The following DGKB variants were observed in gnomAD, a reference collection of about 807,000 sequenced individuals.
DGKB encodes the protein diacylglycerol kinase beta.
Under a neutral mutation model 114.3 loss-of-function variants are expected in DGKB, and 67 were observed. The observed-to-expected ratio is 0.59, with a 90% CI of 0.48 to 0.72. DGKB has a LOEUF of 0.72. Ranked by LOEUF, DGKB falls within the 30% of genes least tolerant of loss-of-function variation. The pLI, the probability that DGKB is intolerant of heterozygous loss-of-function variation, is 0.00. For synonymous variants in DGKB, 398 were observed against 323.1 expected (o/e 1.23, Z -2.49); for missense variants, 907 against 975.2 (o/e 0.93, Z 0.93).
chr7:14,359,736 A>G (rs1255839337), intron 21 of DGKB, among the ~76,000 whole-genome samples: 3 of 152,204 alleles, frequency 2.0e-5, no homozygotes, highest in South Asian at 4.1e-4. Flanking sequence ...ACTGGTCATC[A>G]GAGAAATGCA....
At chr7:14,963,052 A>G (rs1234241836) in intron 1 of DGKB, among the ~76,000 whole-genome samples, 1 of 152,052 alleles carries the variant, frequency 6.6e-6, no homozygotes, top group Non-Finnish European at 1.5e-5. Flanking sequence ...AACTGTCTTT[A>G]TAAAGCTAGA....
chr7:14,540,494 C>G (rs1386169326), intron 20 of DGKB, among the ~76,000 whole-genome samples: 1 of 152,044 alleles, frequency 6.6e-6, no homozygotes, highest in Admixed American at 6.6e-5. Flanking sequence ...CCAATTAAAT[C>G]TCATTTTAAA....
chr7:14,596,287 T>C (rs547254612), intron 17 of DGKB, among the ~76,000 whole-genome samples: 3 of 152,296 alleles, frequency 2.0e-5, no homozygotes, highest in South Asian at 2.1e-4. Context: ...TCTGTTTTGA[T>C]GACACATTAA....
intron 1 of DGKB, among the ~76,000 whole-genome samples, chr7:14,955,929 C>T (rs559835236): frequency 6.6e-6 from 1 of 152,036 alleles, no homozygotes; most frequent in East Asian, 1.9e-4. Context: ...CTTGTAAGAA[C>T]TACTAGAATG....
chr7:14,853,755 C>T (rs1190376323), intron 1 of DGKB, among the ~76,000 whole-genome samples: 1 of 150,352 alleles, frequency 6.7e-6, no homozygotes, highest in Non-Finnish European at 1.5e-5. Context: ...GTAGTCCCAG[C>T]TACTCGGGAG....
At chr7:14,547,657 T>TCTTA (rs1222484593) in intron 20 of DGKB, among the ~76,000 whole-genome samples, 2 of 152,110 alleles carry the variant, frequency 1.3e-5, no homozygotes, top group African/African-American at 4.8e-5. Context: ...GCATTATAGC[T>TCTTA]CTTAGCAAGA....
chr7:14,737,814 A>G (rs534678314), intron 4 of DGKB, among the ~76,000 whole-genome samples: 1 of 151,996 alleles, frequency 6.6e-6, no homozygotes, highest in East Asian at 1.9e-4. Context: ...TGTCAATTCT[A>G]GCCCGGGAGG....
At chr7:14,937,351 T>C (rs1198480482) in intron 1 of DGKB, among the ~76,000 whole-genome samples, 6 of 152,092 alleles carry the variant, frequency 3.9e-5, no homozygotes, top group African/African-American at 1.2e-4. Flanking sequence ...TATATCTATA[T>C]TTACAAGAAT....
At chr7:14,257,578 C>T (rs1367932700) in intron 23 of DGKB, among the ~76,000 whole-genome samples, 1 of 152,116 alleles carries the variant, frequency 6.6e-6, no homozygotes, top group Non-Finnish European at 1.5e-5. Flanking sequence ...AGTGAGTTCT[C>T]ATGAGATCTG....
intron 1 of DGKB, among the ~76,000 whole-genome samples, chr7:14,908,627 G>T (rs1284775472): frequency 6.6e-6 from 1 of 152,014 alleles, no homozygotes; most frequent in Non-Finnish European, 1.5e-5. Flanking sequence ...TTTTTTGGCT[G>T]AGTTGGGGAG....
chr7:14,766,031 A>C (rs1020746620), intron 2 of DGKB, among the ~76,000 whole-genome samples: 24 of 151,948 alleles, frequency 1.6e-4, no homozygotes, highest in South Asian at 2.1e-4. Flanking sequence ...TTAATGAATC[A>C]ATCTATATGT....
At chr7:14,357,680 T>G (rs1218642885) in intron 21 of DGKB, among the ~76,000 whole-genome samples, 1 of 152,198 alleles carries the variant, frequency 6.6e-6, no homozygotes, top group Non-Finnish European at 1.5e-5. Flanking sequence ...TGATGCAGTT[T>G]CTTCATAGCA....
intron 23 of DGKB, among the ~76,000 whole-genome samples, chr7:14,271,147 A>AT (rs1217552160): frequency 1.3e-5 from 2 of 152,152 alleles, no homozygotes; most frequent in African/African-American, 4.8e-5. Flanking sequence ...TGAATCACAT[A>AT]TTTTTATAAG....
At chr7:14,682,500 A>G in intron 12 of DGKB, 53 bp downstream of exon 12, 4 of 1,201,246 alleles carry the variant, frequency 3.3e-6, no homozygotes, top group Middle Eastern at 1.9e-4. Flanking sequence ...AGTATGATAT[A>G]CACGTCTTCA....
intron 1 of DGKB, among the ~76,000 whole-genome samples, chr7:14,880,945 T>C (rs1253053241): frequency 6.6e-6 from 1 of 152,168 alleles, no homozygotes; most frequent in Non-Finnish European, 1.5e-5. Context: ...AAATTCCTTG[T>C]CATATGTCTT....
chr7:14,695,863 G>A lies in DGKB; in HGVS notation c.592-1669C>T, dbSNP rs1880546. 6.8e-3 allele frequency among the ~76,000 whole-genome samples: 1,039 copies of A among 151,956 alleles called. 10 individuals are homozygous for A. The highest frequency in any genetic ancestry group is 0.023 in the African/African-American group (964 of 41,440). On this transcript the variant is annotated intron_variant, in intron 8 of 25. Transcript: ENST00000402815. Reference sequence around the variant, plus strand: ...GAGAAGCCTGCTGATGTGTACATTTGTTTACAATGAGAACTACTGAAGCCT... The same window carrying A: ...GAGAAGCCTGCTGATGTGTACATTTATTTACAATGAGAACTACTGAAGCCT...
chr7:14,735,709 T>C (rs1411411542), intron 5 of DGKB, among the ~76,000 whole-genome samples: 3 of 152,244 alleles, frequency 2.0e-5, no homozygotes, highest in Admixed American at 6.5e-5. Context: ...TATAGTTGCT[T>C]TGTGACCACA....
At chr7:14,529,311 C>T (rs979343421) in intron 20 of DGKB, among the ~76,000 whole-genome samples, 2 of 151,878 alleles carry the variant, frequency 1.3e-5, no homozygotes, top group East Asian at 3.9e-4. Flanking sequence ...GAAACTATGG[C>T]TTAACATGTG....
At chr7:14,599,663 A>G (rs1357866) in intron 17 of DGKB, among the ~76,000 whole-genome samples, 92,337 of 151,992 alleles carry the variant, frequency 0.61, 28,358 homozygotes, top group African/African-American at 0.63. Flanking sequence ...GTTTTCCATC[A>G]CTAAAATATA....
Sources: allele counts gnomAD v4.1 joint callset (sites outside exome capture counted in the v4.1 genomes callset), GRCh38; gene constraint gnomAD v4.1.1; transcripts MANE v1.5; gene names NCBI Gene and HGNC (gene_info 2026-07-23, HGNC 2026-07-21).